Variants in ZFAT observed in about 807,000 individuals in gnomAD.
The protein encoded by ZFAT is zinc finger and AT-hook domain containing, also known as zinc finger protein ZFAT.
ZFAT carries 64 observed loss-of-function variants against 117.7 expected under a neutral mutation model. The observed-to-expected ratio is 0.54, with a 90% CI of 0.44 to 0.67. ZFAT has a LOEUF of 0.67. Ranked by LOEUF, ZFAT falls within the 30% of genes least tolerant of loss-of-function variation. The pLI, the probability that ZFAT is intolerant of heterozygous loss-of-function variation, is 0.00. For synonymous variants in ZFAT, 679 were observed against 615.0 expected (o/e 1.10, Z -1.54); for missense variants, 1,433 against 1,584.5 (o/e 0.90, Z 1.62).
chr8:134,504,702 T>C (rs1819260488), intron 15 of ZFAT, among the ~76,000 whole-genome samples: 1 of 152,170 alleles, frequency 6.6e-6, no homozygotes, highest in South Asian at 2.1e-4. Context: ...GCCATAAGGC[T>C]ATAAACTGCT....
At chr8:134,661,092 G>A (rs1831903072) in intron 1 of ZFAT, among the ~76,000 whole-genome samples, 1 of 152,240 alleles carries the variant, frequency 6.6e-6, no homozygotes, top group South Asian at 2.1e-4. Context: ...TGAGAGTGGG[G>A]TGGATACCGA....
At chr8:134,643,370 C>T (rs1471576215) in intron 2 of ZFAT, among the ~76,000 whole-genome samples, 1 of 152,176 alleles carries the variant, frequency 6.6e-6, no homozygotes, top group African/African-American at 2.4e-5. Flanking sequence ...CTAAGTTCTG[C>T]AGGAAAATGA....
At position 134,660,697 on chromosome 8, in the gene ZFAT, A is replaced by G. The variant is rs192949681; in HGVS notation, c.20-2960T>C. Among the ~76,000 whole-genome samples, 543 of 152,360 alleles carry G rather than the reference A, an allele frequency of 3.6e-3. 2 individuals are homozygous for G. Among genetic ancestry groups the G allele is most frequent in the Middle Eastern group, 0.017 (5 of 294 alleles). On this transcript the variant is annotated intron_variant, in intron 1 of 15. Transcript: ENST00000377838. Reference sequence around the variant, plus strand: ...TGGTTCCTAGGATGCTCTCAGGAAAATGGGAATTCTGTGACATGTAACAGA... The same window carrying G: ...TGGTTCCTAGGATGCTCTCAGGAAAGTGGGAATTCTGTGACATGTAACAGA...
chr8:134,735,771 T>TATA, the ZFAT span, among the ~76,000 whole-genome samples: 3 of 152,318 alleles, frequency 2.0e-5, no homozygotes, highest in Admixed American at 6.5e-5. Context: ...TATACTTCAC[T>TATA]ATGACAGTAT....
chr8:134,494,193 C>T (rs1045883868), intron 15 of ZFAT, among the ~76,000 whole-genome samples: 10 of 152,306 alleles, frequency 6.6e-5, no homozygotes, highest in Middle Eastern at 3.4e-3. Context: ...CACAGCTGTG[C>T]GGCTGTTGGG....
the ZFAT span, among the ~76,000 whole-genome samples, chr8:134,774,012 T>G: frequency 7.9e-5 from 9 of 114,100 alleles, no homozygotes; most frequent in Non-Finnish European, 1.1e-4. Context: ...TTTTTTTTTT[T>G]GAGACGGCAT....
chr8:134,638,589 C>T (rs1830392998), intron 2 of ZFAT, among the ~76,000 whole-genome samples: 2 of 146,648 alleles, frequency 1.4e-5, no homozygotes, highest in African/African-American at 2.6e-5. Flanking sequence ...ATTAACCAGG[C>T]GTGGTGGCGG....
At chr8:134,572,271 T>C (rs748002549) in intron 10 of ZFAT, among the ~76,000 whole-genome samples, 12 of 152,220 alleles carry the variant, frequency 7.9e-5, no homozygotes, top group Non-Finnish European at 1.6e-4. Context: ...AATCATTTAT[T>C]TGTTAGGTGA....
At chr8:134,730,561 C>T in the ZFAT span, among the ~76,000 whole-genome samples, 1 of 152,202 alleles carries the variant, frequency 6.6e-6, no homozygotes, top group Non-Finnish European at 1.5e-5. Flanking sequence ...TAAACGTCTC[C>T]ATTCTCTACT....
intron 11 of ZFAT, among the ~76,000 whole-genome samples, chr8:134,556,045 AAG>A (rs1390598035): frequency 5.8e-5 from 5 of 86,076 alleles, no homozygotes; most frequent in African/African-American, 2.1e-4. Context: ...GGAAGGAAGG[AAG>A]GAAGGAAGGA....
the ZFAT span, among the ~76,000 whole-genome samples, chr8:134,748,774 A>C: frequency 6.6e-6 from 1 of 152,158 alleles, no homozygotes; most frequent in African/African-American, 2.4e-5. Context: ...GTGTAGTTGT[A>C]TTATGTTATA....
At chr8:134,613,272 CA>C (rs1332693181) in intron 3 of ZFAT, among the ~76,000 whole-genome samples, 7 of 152,134 alleles carry the variant, frequency 4.6e-5, no homozygotes, top group Non-Finnish European at 1.0e-4. Flanking sequence ...CATGAATCAA[CA>C]AAAACCAAAC....
chr8:134,757,278 G>C, the ZFAT span, among the ~76,000 whole-genome samples: 5 of 151,972 alleles, frequency 3.3e-5, no homozygotes, highest in Admixed American at 2.0e-4. Flanking sequence ...CAGCCTCTCA[G>C]AGTGCTGGGA....
chr8:134,708,242 G>A (rs761565594), intron 1 of ZFAT, among the ~76,000 whole-genome samples: 3 of 152,080 alleles, frequency 2.0e-5, no homozygotes, highest in Admixed American at 6.6e-5. Context: ...AAGAGGAATC[G>A]TTTTTTTCTT....
the ZFAT span, among the ~76,000 whole-genome samples, chr8:134,743,713 AGGG>A: frequency 6.6e-6 from 1 of 152,062 alleles, no homozygotes. Flanking sequence ...GGAGGGGAAG[AGGG>A]GGTTTGGAGA....
Position 134,478,573 on chromosome 8 carries a change from C to G in ZFAT, c.3641G>C (p.Gly1214Ala), listed in dbSNP as rs781384745. 6.3e-7 allele frequency: 1 copy of G among 1,594,330 alleles called. No homozygotes were observed. Among genetic ancestry groups the G allele is most frequent in the Non-Finnish European group, 8.5e-7 (1 of 1,171,004 alleles). The change falls in exon 16 of 16, where the codon GGC becomes GCC. Residue 1214 changes from glycine (G) to alanine (A), a missense_variant. By Grantham distance (60) the Gly-to-Ala change is moderately conservative. Coordinates refer to ENST00000377838, the MANE Select transcript of ZFAT (RefSeq NM_020863.4). The surrounding 1 kb of genome is among the most constrained non-coding windows in gnomAD (Gnocchi z 5.2). ...GIETVTVYTQ[G>A]GEASEFIVYV... ...GACGATGAACTCCGAGGCCTCCCCG[C>G]CCTGCGTGTAGACAGTCACCGTCTC...
chr8:134,695,691 C>T (rs543869752), intron 1 of ZFAT, among the ~76,000 whole-genome samples: 1 of 151,246 alleles, frequency 6.6e-6, no homozygotes, highest in South Asian at 2.1e-4. Context: ...CCCCCCCAGG[C>T]CCAGGCAGCA....
chr8:134,589,634 G>A (rs1333301924), intron 8 of ZFAT, among the ~76,000 whole-genome samples: 2 of 152,218 alleles, frequency 1.3e-5, no homozygotes, highest in Non-Finnish European at 2.9e-5. Context: ...ACAGCGGTCA[G>A]TGCGCCCTGT....
At chr8:134,724,985 C>A in the ZFAT span, among the ~76,000 whole-genome samples, 1 of 152,210 alleles carries the variant, frequency 6.6e-6, no homozygotes, top group African/African-American at 2.4e-5. Flanking sequence ...TCTGCAGGTT[C>A]TTTAAAGCCC....
Sources: gnomAD v4.1 joint callset for allele counts (sites outside exome capture counted in the v4.1 genomes callset) on GRCh38, gnomAD v4.1.1 for gene constraint, Gnocchi (gnomAD v3.1) non-coding constraint, MANE v1.5 for transcripts, NCBI Gene and HGNC (gene_info 2026-07-23, HGNC 2026-07-21) for gene names.